AP3B1: variants seen among roughly 807,000 people sequenced by gnomAD.
The protein encoded by AP3B1 is adaptor related protein complex 3 subunit beta 1, also known as AP-3 complex subunit beta-1.
A neutral mutation model predicts 132.5 loss-of-function variants in AP3B1; 61 were observed. The ratio of observed to expected loss-of-function variants is 0.46; its 90% confidence interval spans 0.37 to 0.57. The LOEUF is 0.57. Among genes scored for constraint, AP3B1 ranks in the 20% least tolerant of loss-of-function variants. AP3B1 has a pLI of 0.00. For synonymous variants in AP3B1, 388 were observed against 438.3 expected, an observed-to-expected ratio of 0.89 and a Z score of 1.43; for missense variants, 1,120 against 1,289.4, an observed-to-expected ratio of 0.87 and a Z score of 2.01.
chr5:78,020,201 G>C (rs1005176610), intron 25 of AP3B1, among the ~76,000 whole-genome samples: 1 of 151,856 alleles, frequency 6.6e-6, no homozygotes, highest in Non-Finnish European at 1.5e-5. Flanking sequence ...TATAGAATTA[G>C]GTCAAAAGAA....
At chr5:78,187,136 G>C (rs1744637209) in intron 7 of AP3B1, among the ~76,000 whole-genome samples, 1 of 152,118 alleles carries the variant, frequency 6.6e-6, no homozygotes, top group Non-Finnish European at 1.5e-5. Flanking sequence ...AAGACTATAA[G>C]TGAGATATAC....
intron 14 of AP3B1, among the ~76,000 whole-genome samples, chr5:78,152,644 T>G (rs1278884550): frequency 6.6e-6 from 1 of 152,172 alleles, no homozygotes; most frequent in Admixed American, 6.5e-5. Flanking sequence ...TATTATTTAT[T>G]TGAAGTTTTT....
At chr5:78,098,449 A>G (rs1750993416) in intron 21 of AP3B1, among the ~76,000 whole-genome samples, 1 of 152,128 alleles carries the variant, frequency 6.6e-6, no homozygotes, top group Admixed American at 6.5e-5. Context: ...AAAAAGTTGT[A>G]ATTAGTACAC....
chr5:78,227,507 C>T lies in AP3B1; in HGVS notation c.401G>A (p.Ser134Asn), dbSNP rs1033569307. 1.2e-6 allele frequency: 2 copies of T among 1,613,590 alleles called. No individual in the cohort carries two copies. The highest frequency in any genetic ancestry group is 1.7e-6 in the Non-Finnish European group (2 of 1,179,750). Reference sequence around the variant, plus strand: ...AATACTTGACAGAACTCTCAAAGCGCTTGCACGAATTAGTTGGTTTGGGTC... The same window carrying T: ...AATACTTGACAGAACTCTCAAAGCGTTTGCACGAATTAGTTGGTTTGGGTC... ...LKDPNQLIRA[S>N]ALRVLSSIRV... The change falls in exon 5 of 27, where the codon AGC (serine) becomes AAC (asparagine). Residue 134 changes from serine (S) to asparagine (N), a missense_variant. Physicochemically the swap from Ser to Asn is conservative, Grantham distance 46. Coordinates refer to ENST00000255194, the MANE Select transcript of AP3B1 (RefSeq NM_003664.5).
At chr5:78,097,031 C>T (rs1750851188) in intron 21 of AP3B1, among the ~76,000 whole-genome samples, 1 of 129,392 alleles carries the variant, frequency 7.7e-6, no homozygotes, top group Non-Finnish European at 1.6e-5. Context: ...AGCCCCCCGC[C>T]CGGCCAGCCG....
At chr5:78,091,863 A>G (rs537198370) in intron 21 of AP3B1, among the ~76,000 whole-genome samples, 6 of 152,298 alleles carry the variant, frequency 3.9e-5, no homozygotes, top group Admixed American at 1.3e-4. Flanking sequence ...AGAATTTACA[A>G]TAGTTTAGGA....
intron 15 of AP3B1, among the ~76,000 whole-genome samples, chr5:78,135,109 T>C (rs1377707213): frequency 2.0e-5 from 3 of 152,164 alleles, no homozygotes; most frequent in African/African-American, 7.2e-5. Context: ...AAGACCTGAA[T>C]CACGGGCAAG....
At chr5:78,200,095 C>T (rs962307657) in intron 7 of AP3B1, among the ~76,000 whole-genome samples, 1 of 151,944 alleles carries the variant, frequency 6.6e-6, no homozygotes, top group Non-Finnish European at 1.5e-5. Context: ...AGGGAACATG[C>T]TTACTATAGA....
intron 7 of AP3B1, among the ~76,000 whole-genome samples, chr5:78,196,982 T>C (rs1745100138): frequency 6.6e-6 from 1 of 152,152 alleles, no homozygotes; most frequent in Admixed American, 6.5e-5. Flanking sequence ...ATCCGAAGAA[T>C]GTACAACACC....
At chr5:78,099,889 G>A (rs1242534539) in intron 21 of AP3B1, among the ~76,000 whole-genome samples, 1 of 151,894 alleles carries the variant, frequency 6.6e-6, no homozygotes, top group South Asian at 2.1e-4. Flanking sequence ...ATTCCGTCTC[G>A]GGGGGCGGGG....
At chr5:78,065,167 C>A (rs1029091632) in intron 22 of AP3B1, among the ~76,000 whole-genome samples, 10 of 152,190 alleles carry the variant, frequency 6.6e-5, no homozygotes, top group African/African-American at 2.4e-4. Flanking sequence ...GAAACCACGC[C>A]TTTTCCATGG....
chr5:78,052,589 G>A (rs957506042), intron 22 of AP3B1, among the ~76,000 whole-genome samples: 2 of 152,148 alleles, frequency 1.3e-5, no homozygotes, highest in African/African-American at 2.4e-5. Context: ...TGGCAGGGTT[G>A]AGTGGTTGTG....
intron 21 of AP3B1, among the ~76,000 whole-genome samples, chr5:78,090,422 A>C (rs1192982778): frequency 6.6e-6 from 1 of 152,220 alleles, no homozygotes; most frequent in African/African-American, 2.4e-5. Flanking sequence ...AGTTCCCAAG[A>C]TCTTGTTCTA....
intron 5 of AP3B1, among the ~76,000 whole-genome samples, chr5:78,226,227 C>T (rs1439710386): frequency 6.6e-6 from 1 of 152,070 alleles, no homozygotes; most frequent in Non-Finnish European, 1.5e-5. Context: ...TTAGAGTGAG[C>T]ATGGATCTTA....
chr5:78,243,855 C>T (rs924019962), intron 2 of AP3B1, among the ~76,000 whole-genome samples: 5 of 152,114 alleles, frequency 3.3e-5, no homozygotes, highest in African/African-American at 7.2e-5. Context: ...AATGAGTTGG[C>T]TTTTACTATG....
intron 21 of AP3B1, among the ~76,000 whole-genome samples, chr5:78,096,838 G>T (rs1259468167): frequency 2.7e-5 from 4 of 150,610 alleles, no homozygotes; most frequent in South Asian, 2.1e-4. Context: ...CGGGAGGGAG[G>T]GGGGGCTCAG....
intron 22 of AP3B1, among the ~76,000 whole-genome samples, chr5:78,052,817 T>C (rs1036309915): frequency 2.0e-5 from 3 of 152,258 alleles, no homozygotes; most frequent in Non-Finnish European, 4.4e-5. Flanking sequence ...TTGTTTTATA[T>C]ATCACGTACG....
At position 78,160,792 on chromosome 5, in the gene AP3B1, T is replaced by C. The variant is rs139400911; in HGVS notation, c.1363+2027A>G. 6.1e-3 allele frequency among the ~76,000 whole-genome samples: 929 copies of C among 152,152 alleles called. 11 individuals are homozygous for C. The highest frequency in any genetic ancestry group is 0.02 in the African/African-American group (846 of 41,564). On this transcript the variant is annotated intron_variant, in intron 13 of 26. Transcript: ENST00000255194. ...GTGGCTATGTTAAAGTTAAAAATAC[T>C]ATGACTTTCTTTTATGTTACTAATT...
At chr5:78,169,538 C>T (rs1356960659) in intron 11 of AP3B1, among the ~76,000 whole-genome samples, 1 of 152,056 alleles carries the variant, frequency 6.6e-6, no homozygotes, top group Non-Finnish European at 1.5e-5. Flanking sequence ...AAGCAATCTG[C>T]CCACCTCAGC....
Sources: allele counts gnomAD v4.1 joint callset (sites outside exome capture counted in the v4.1 genomes callset), GRCh38; gene constraint gnomAD v4.1.1; transcripts MANE v1.5; gene names NCBI Gene and HGNC (gene_info 2026-07-23, HGNC 2026-07-21).